SP100: variants seen among roughly 807,000 people sequenced by gnomAD.
The protein encoded by SP100 is nuclear autoantigen Sp-100.
SP100 carries 84 observed loss-of-function variants against 130.0 expected under a neutral mutation model. That is an observed-to-expected ratio of 0.65 (90% CI 0.54 to 0.77). The LOEUF (loss-of-function observed/expected upper bound fraction) is 0.77. SP100 is among the 30% of genes least tolerant of loss of function. The pLI, the probability that SP100 is intolerant of heterozygous loss-of-function variation, is 0.00. For synonymous variants in SP100, 331 were observed against 351.7 expected, an observed-to-expected ratio of 0.94 and a Z score of 0.66; for missense variants, 978 against 1,052.2, an observed-to-expected ratio of 0.93 and a Z score of 0.97.
At chr2:230,516,367 T>A (rs1382026348) in intron 24 of SP100, 1 of 152,938 alleles carries the variant, frequency 6.5e-6, no homozygotes, top group East Asian at 1.9e-4. Flanking sequence ...GAAAAGTAAC[T>A]GTTTTGGTTT....
At chr2:230,454,073 T>C (rs1050774772) in intron 8 of SP100, among the ~76,000 whole-genome samples, 4 of 152,214 alleles carry the variant, frequency 2.6e-5, no homozygotes, top group African/African-American at 9.6e-5. Context: ...ATCCAATTTG[T>C]TGGCATTAAA....
At chr2:230,458,054 T>C (rs1175313502) in intron 8 of SP100, among the ~76,000 whole-genome samples, 3 of 151,956 alleles carry the variant, frequency 2.0e-5, no homozygotes, top group African/African-American at 4.8e-5. Context: ...ACAAAAGAGG[T>C]CAACTAGGGA....
At chr2:230,504,593 C>G (rs73097008) in intron 21 of SP100, among the ~76,000 whole-genome samples, 1,540 of 152,286 alleles carry the variant, frequency 0.01, 28 homozygotes, top group African/African-American at 0.035. Flanking sequence ...ACTGCAGCAA[C>G]AAATTGTGAC....
Position 230,508,355 on chromosome 2 carries a change from G to A in SP100, c.2052+324G>A, listed in dbSNP as rs185500296. The stretch of plus-strand genomic sequence containing the variant: ...TTAAGAGAAAGAGTCTCACTCTGTC[G>A]CCCAAGCTGGAGTGCAGTGGTGTGA... On this transcript the variant is annotated intron_variant, in intron 23 of 28. Coordinates refer to ENST00000340126, the MANE Select transcript of SP100 (RefSeq NM_001080391.2). The A allele has an allele frequency of 3.9e-3, 806 of 204,120 alleles. 9 individuals carry two copies. The highest frequency in any genetic ancestry group is 6.8e-3 in the Middle Eastern group (3 of 442). 12.6% of individuals were successfully genotyped at this position (204,120 alleles called of 1,614,324 possible).
rs557835275 is a variant in SP100 at position 230,427,452 on chromosome 2, C to T, written c.107+9787C>T. 1.5e-3 allele frequency among the ~76,000 whole-genome samples: 223 copies of T among 152,198 alleles called. 1 individual carries two copies. The Middle Eastern group carries it at 0.017, about 12-fold the overall frequency. On this transcript the variant is annotated intron_variant, in intron 2 of 28. Transcript: ENST00000340126. ...CTGGGATTACAGGTGTGAGCCACTG[C>T]GCCCAACCTAAAATGAGACTCTTCT...
chr2:230,441,753 G>A (rs554543934), intron 2 of SP100, among the ~76,000 whole-genome samples: 2 of 152,226 alleles, frequency 1.3e-5, no homozygotes, highest in South Asian at 2.1e-4. Flanking sequence ...GTGGGTTGAC[G>A]GGCAGGGCAC....
At chr2:230,511,367 C>T (rs1296505088) in intron 24 of SP100, among the ~76,000 whole-genome samples, 1 of 152,146 alleles carries the variant, frequency 6.6e-6, no homozygotes, top group African/African-American at 2.4e-5. Context: ...CAGTAGAAAT[C>T]TTCAAATTTC....
intron 12 of SP100, 81 bp from the exon 13 acceptor site, chr2:230,467,039 T>C (rs2064996709): frequency 2.0e-6 from 2 of 976,780 alleles, no homozygotes; most frequent in South Asian, 1.4e-5. Context: ...TTTCCTAGTT[T>C]CCTTTTCATA....
chr2:230,469,331 G>A (rs2065147105), intron 14 of SP100: 6 of 522,448 alleles, frequency 1.1e-5, no homozygotes, highest in Middle Eastern at 5.9e-4. Context: ...ATAGGATAAA[G>A]TAGTTCCTGA....
intron 3 of SP100, 21 bp from the exon 4 acceptor site, chr2:230,444,157 C>T (rs775378441): frequency 6.6e-7 from 1 of 1,511,242 alleles, no homozygotes. Flanking sequence ...TTTATATTTT[C>T]TCCATTCAAT....
chr2:230,542,804 C>T (rs6717269), intron 28 of SP100, 32 bp from the exon 29 acceptor site: 1,098,930 of 1,334,728 alleles, frequency 0.82, 457,231 homozygotes, highest in Middle Eastern at 0.91. Flanking sequence ...CATTGCATAA[C>T]TGCTATATTG....
intron 17 of SP100, among the ~76,000 whole-genome samples, chr2:230,479,562 C>G (rs2065735514): frequency 6.6e-6 from 1 of 152,166 alleles, no homozygotes; most frequent in Non-Finnish European, 1.5e-5. Context: ...GTACTAAAGA[C>G]TCAGTCTTCC....
rs187249127 is a variant in SP100 at position 230,510,430 on chromosome 2, C to T, written c.2053-695C>T. On this transcript the variant is annotated intron_variant, in intron 23 of 28. Coordinates refer to ENST00000340126, the MANE Select transcript of SP100 (RefSeq NM_001080391.2). ...TCACTGGGAGCTGTGGAGGAAGAGT[C>T]GGCCGATTCCCTTTGCAGCTTCTCT... 1.7e-3 allele frequency: 232 copies of T among 135,092 alleles called. 1 individual carries two copies. The highest frequency in any genetic ancestry group is 1.7e-3 in the Non-Finnish European group (116 of 67,180). 8.4% of individuals were successfully genotyped at this position (135,092 alleles called of 1,614,324 possible). A position where few individuals can be genotyped will look rare whatever the true frequency, so the allele number is the denominator to read the frequency against.
At chr2:230,422,621 G>C (rs6737596) in intron 2 of SP100, among the ~76,000 whole-genome samples, 42,410 of 152,006 alleles carry the variant, frequency 0.28, 6,221 homozygotes, top group African/African-American at 0.34. Context: ...CAAAATGTTT[G>C]ATTATCTCTT....
chr2:230,491,858 C>A (rs754203767), intron 17 of SP100, among the ~76,000 whole-genome samples: 4 of 152,188 alleles, frequency 2.6e-5, no homozygotes, highest in Non-Finnish European at 5.9e-5. Flanking sequence ...TAGCCAATGG[C>A]ATATAAGCAG....
In SP100 at chr2:230,464,114, C is replaced by A; in HGVS notation, c.1105C>A (p.Gln369Lys). The change falls in exon 11 of 29, where the codon CAA becomes AAA. Residue 369 changes from glutamine to lysine, a missense_variant. Coordinates refer to ENST00000340126, the MANE Select transcript of SP100 (RefSeq NM_001080391.2). ...AGAATCAAATGATGAAAAGGAGGGC[C>A]AAGAAGCCACTTGCTCACGACCCCA... is the stretch of plus-strand genomic sequence containing the variant. ...PLESNDEKEGQEATCSRPQIV... is the reference protein window; with the variant it reads ...PLESNDEKEGKEATCSRPQIV... The A allele has an allele frequency of 6.2e-7, 1 of 1,612,990 alleles. No homozygotes were observed. Among genetic ancestry groups the A allele is most frequent in the Non-Finnish European group, 8.5e-7 (1 of 1,179,110 alleles).
At chr2:230,504,664 T>TA (rs1317483038) in intron 21 of SP100, among the ~76,000 whole-genome samples, 3 of 152,206 alleles carry the variant, frequency 2.0e-5, no homozygotes, top group Admixed American at 6.5e-5. Context: ...CCAGGGTTTT[T>TA]ACCAGTCACA....
In SP100 at chr2:230,514,113, T is replaced by G. The variant is rs1267039184; in HGVS notation, c.2094+2947T>G. On this transcript the variant is annotated intron_variant, in intron 24 of 28. Transcript: ENST00000340126. Reference sequence around the variant, plus strand: ...AATGAACAAGTCATCAATTTATAGTTGCTGTTGCTTGTTGAATACAAGCAA... The same window carrying G: ...AATGAACAAGTCATCAATTTATAGTGGCTGTTGCTTGTTGAATACAAGCAA... 2.6e-5 allele frequency among the ~76,000 whole-genome samples: 4 copies of G among 151,258 alleles called. 1 individual carries two copies. Among genetic ancestry groups the G allele is most frequent in the African/African-American group, 9.7e-5 (4 of 41,148 alleles).
chr2:230,461,051 G>T (rs1387681430), intron 8 of SP100, among the ~76,000 whole-genome samples: 2 of 151,586 alleles, frequency 1.3e-5, no homozygotes, highest in Non-Finnish European at 2.9e-5. Context: ...AACCATCAAA[G>T]AATGAGACGA....
Sources: gnomAD v4.1 joint callset for allele counts (sites outside exome capture counted in the v4.1 genomes callset) on GRCh38, gnomAD v4.1.1 for gene constraint, MANE v1.5 for transcripts, NCBI Gene and HGNC (gene_info 2026-07-23, HGNC 2026-07-21) for gene names.